The following STK4 variants were observed in gnomAD, a reference collection of about 807,000 sequenced individuals.
The protein encoded by STK4 is serine/threonine kinase 4.
STK4 carries 30 observed loss-of-function variants against 64.9 expected under a neutral mutation model. The observed-to-expected ratio is 0.46, with a 90% CI of 0.35 to 0.63. STK4 has a LOEUF of 0.63. STK4 is among the 20% of genes least tolerant of loss of function. The pLI, the probability that STK4 is intolerant of heterozygous loss-of-function variation, is 0.01. For missense variants in STK4, 466 were observed against 598.5 expected (o/e 0.78, Z 2.31); for synonymous variants, 177 against 199.0 (o/e 0.89, Z 0.93).
intron 10 of STK4, among the ~76,000 whole-genome samples, chr20:45,027,320 C>T (rs2068368370): frequency 6.6e-6 from 1 of 151,318 alleles, no homozygotes; most frequent in South Asian, 2.1e-4. Context: ...ATCCCAGCTA[C>T]TCGGGAGGCT....
Position 45,075,372 on chromosome 20 carries a change from C to T in STK4, c.*196C>T. The stretch of plus-strand genomic sequence containing the variant: ...TCTTGATGTGTGTATGTACATTGGT[C>T]AGGTATATTATCTCAAAGGATTTAT... On this transcript the variant is annotated 3_prime_UTR_variant, in exon 11 of 11. Transcript: ENST00000372806. 1 of 621,724 alleles carries T rather than the reference C, an allele frequency of 1.6e-6. No individual in the cohort carries two copies. Among genetic ancestry groups the T allele is most frequent in the Non-Finnish European group, 2.7e-6 (1 of 369,642 alleles). 38.5% of individuals were successfully genotyped at this position (621,724 alleles called of 1,614,324 possible).
intron 10 of STK4, among the ~76,000 whole-genome samples, chr20:45,032,743 G>A (rs921572460): frequency 1.3e-5 from 2 of 152,196 alleles, no homozygotes; most frequent in Non-Finnish European, 2.9e-5. Context: ...ACACATGCAT[G>A]TGTCTTTATG....
At chr20:45,044,061 C>T (rs2145424144) in intron 10 of STK4, among the ~76,000 whole-genome samples, 1 of 152,330 alleles carries the variant, frequency 6.6e-6, no homozygotes, top group South Asian at 2.1e-4. Flanking sequence ...CCAAAGTGAT[C>T]ATAGGTATCA....
At chr20:45,040,237 A>G (rs1210232256) in intron 10 of STK4, among the ~76,000 whole-genome samples, 4 of 152,150 alleles carry the variant, frequency 2.6e-5, no homozygotes, top group East Asian at 3.9e-4. Context: ...CCATTTACCA[A>G]TTGAAGTAAA....
At chr20:44,998,816 A>G (rs913950668) in intron 7 of STK4, among the ~76,000 whole-genome samples, 2 of 152,202 alleles carry the variant, frequency 1.3e-5, no homozygotes, top group Non-Finnish European at 2.9e-5. Flanking sequence ...CATGCCTGTA[A>G]TCCCAGCACT....
chr20:45,026,128 G>GTTTT (rs33913833), intron 10 of STK4, among the ~76,000 whole-genome samples: 16 of 128,978 alleles, frequency 1.2e-4, no homozygotes, highest in African/African-American at 4.8e-4. Context: ...TTATCCAGTG[G>GTTTT]TTTTTTTTTT....
At chr20:44,982,054 C>A in intron 4 of STK4, 111 bp downstream of exon 4, 1 of 703,238 alleles carries the variant, frequency 1.4e-6, no homozygotes, top group South Asian at 1.6e-5. Flanking sequence ...TCAGATTTCC[C>A]CTTTTCCATG....
At chr20:44,969,511 G>A (rs1197108770) in intron 1 of STK4, among the ~76,000 whole-genome samples, 1 of 120,060 alleles carries the variant, frequency 8.3e-6, no homozygotes, top group African/African-American at 3.0e-5. Flanking sequence ...ACATTTGTGT[G>A]TGTGTGTGAT....
intron 9 of STK4, among the ~76,000 whole-genome samples, chr20:45,010,126 T>C (rs2068018442): frequency 6.6e-6 from 1 of 152,206 alleles, no homozygotes; most frequent in Non-Finnish European, 1.5e-5. Flanking sequence ...TGGAGTGCAG[T>C]GGTGCGATCT....
intron 10 of STK4, among the ~76,000 whole-genome samples, chr20:45,058,490 TA>T (rs1169859994): frequency 6.6e-6 from 1 of 152,258 alleles, no homozygotes; most frequent in Non-Finnish European, 1.5e-5. Context: ...TTTATGTGTT[TA>T]AAATTGGATC....
At chr20:45,046,210 C>A (rs535058814) in intron 10 of STK4, among the ~76,000 whole-genome samples, 1 of 150,982 alleles carries the variant, frequency 6.6e-6, no homozygotes, top group South Asian at 2.1e-4. Context: ...AGGAGGATTG[C>A]TTGAGGTCAG....
intron 9 of STK4, among the ~76,000 whole-genome samples, chr20:45,014,167 G>A (rs1449129941): frequency 6.6e-6 from 1 of 152,078 alleles, no homozygotes; most frequent in African/African-American, 2.4e-5. Context: ...GCTCATGCCT[G>A]TAATCTCAGC....
chr20:45,072,654 T>TA (rs1405435701), intron 10 of STK4, among the ~76,000 whole-genome samples: 3 of 152,190 alleles, frequency 2.0e-5, no homozygotes, highest in Non-Finnish European at 2.9e-5. Context: ...GGGTGAAAAA[T>TA]ATTTTGTTAA....
At chr20:45,009,602 G>GA (rs1184845347) in intron 9 of STK4, among the ~76,000 whole-genome samples, 1 of 152,108 alleles carries the variant, frequency 6.6e-6, no homozygotes, top group East Asian at 1.9e-4. Flanking sequence ...GAATAGTATG[G>GA]AATCTGTAAA....
At chr20:44,987,084 T>A (rs760852921) in intron 4 of STK4, 48 bp from the exon 5 acceptor site, 27 of 1,466,436 alleles carry the variant, frequency 1.8e-5, no homozygotes, top group Non-Finnish European at 2.5e-5. Flanking sequence ...CTTTTTCTAA[T>A]GCGCTGATGT....
intron 10 of STK4, among the ~76,000 whole-genome samples, chr20:45,065,134 T>C (rs1979449728): frequency 1.4e-5 from 2 of 143,872 alleles, no homozygotes; most frequent in Non-Finnish European, 3.1e-5. Flanking sequence ...GTTACTAGTT[T>C]GTTGAGGTTT....
chr20:44,991,912 C>G lies in STK4; in HGVS notation c.526-3178C>G, dbSNP rs151031059. 5.0e-3 allele frequency among the ~76,000 whole-genome samples: 768 copies of G among 152,216 alleles called. 8 individuals are homozygous for G. The highest frequency in any genetic ancestry group is 0.018 in the African/African-American group (734 of 41,532). ...CTCCTGAGCTCAAGCAATCTGCCCCCCTTGGCGTGCCAAAGTGCTGGGATT... is the reference window on the plus strand; with the variant it reads ...CTCCTGAGCTCAAGCAATCTGCCCCGCTTGGCGTGCCAAAGTGCTGGGATT... On this transcript the variant is annotated intron_variant, in intron 5 of 10. Transcript: ENST00000372806.
At chr20:44,966,790 G>C (rs1229416361) in intron 1 of STK4, among the ~76,000 whole-genome samples, 187 bp downstream of exon 1, 1 of 152,172 alleles carries the variant, frequency 6.6e-6, no homozygotes, top group Non-Finnish European at 1.5e-5. Flanking sequence ...TGCTAAGGAG[G>C]TTAGACTTGG....
intron 5 of STK4, among the ~76,000 whole-genome samples, chr20:44,988,533 G>GTGTGTATATATA (rs1221720136): frequency 1.4e-4 from 14 of 101,586 alleles, no homozygotes; most frequent in African/African-American, 6.2e-4. Flanking sequence ...ATGTGTGTGT[G>GTGTGTATATATA]TATATATATA....
Sources: allele counts gnomAD v4.1 joint callset (sites outside exome capture counted in the v4.1 genomes callset), GRCh38; gene constraint gnomAD v4.1.1; transcripts MANE v1.5; gene names NCBI Gene and HGNC (gene_info 2026-07-23, HGNC 2026-07-21).